Variants in SNX14 observed in about 807,000 individuals in gnomAD.
SNX14 encodes sorting nexin-14.
A neutral mutation model predicts 133.8 loss-of-function variants in SNX14; 93 were observed. The observed-to-expected ratio is 0.70, with a 90% confidence interval of 0.59 to 0.83. The LOEUF (loss-of-function observed/expected upper bound fraction) is 0.83. Among genes scored for constraint, SNX14 ranks in the 40% least tolerant of loss-of-function variants. SNX14 has a pLI of 0.00. For synonymous variants in SNX14, 368 were observed against 365.6 expected (o/e 1.01, Z -0.07); for missense variants, 945 against 1,094.9 (o/e 0.86, Z 1.93).
chr6:85,555,251 G>A (rs1004270331), intron 7 of SNX14, among the ~76,000 whole-genome samples: 7 of 152,106 alleles, frequency 4.6e-5, no homozygotes, highest in Admixed American at 2.6e-4. Context: ...AATTAAAACT[G>A]TATTAAAAAT....
At chr6:85,560,749 A>G (rs946577798) in intron 6 of SNX14, among the ~76,000 whole-genome samples, 2 of 152,056 alleles carry the variant, frequency 1.3e-5, no homozygotes, top group Non-Finnish European at 2.9e-5. Flanking sequence ...AAAGCCTAAC[A>G]TAGGCCTGGC....
intron 1 of SNX14, among the ~76,000 whole-genome samples, chr6:85,576,373 A>C (rs1797344637): frequency 6.6e-6 from 1 of 152,194 alleles, no homozygotes; most frequent in Non-Finnish European, 1.5e-5. Flanking sequence ...TGGATTAAGA[A>C]TAGACAAAAC....
intron 28 of SNX14, 162 bp downstream of exon 28, chr6:85,507,071 A>T (rs1440423652): frequency 4.7e-6 from 3 of 634,078 alleles, no homozygotes; most frequent in Non-Finnish European, 8.4e-6. Flanking sequence ...TTGTTTGGGC[A>T]TGTTTAATAA....
At chr6:85,580,715 A>G (rs1798783485) in intron 1 of SNX14, among the ~76,000 whole-genome samples, 1 of 152,188 alleles carries the variant, frequency 6.6e-6, no homozygotes, top group South Asian at 2.1e-4. Flanking sequence ...GATAGAGTCT[A>G]GCAGCACTCC....
In SNX14 at chr6:85,515,280, A is replaced by C. The variant is rs900258773; in HGVS notation, c.2269-651T>G. Among the ~76,000 whole-genome samples, 9 of 149,666 alleles carry C rather than the reference A, an allele frequency of 6.0e-5. No individual in the cohort carries two copies. The South Asian group carries it at 8.5e-4, about 14-fold the overall frequency. On this transcript the variant is annotated intron_variant, in intron 23 of 28. Transcript: ENST00000314673. ...AGACCGTCAAAAAAAAAAAAAAAAA[A>C]AAAAAAACACTAACATGATTTAAAG...
chr6:85,529,272 TGAAGGAAG>T (rs1353463320), intron 19 of SNX14, among the ~76,000 whole-genome samples: 1 of 120,384 alleles, frequency 8.3e-6, no homozygotes, highest in Non-Finnish European at 1.7e-5. Flanking sequence ...AACAAGGAAA[TGAAGGAAG>T]GAAGGAAATA....
At chr6:85,544,869 C>A (rs1055675029) in intron 12 of SNX14, among the ~76,000 whole-genome samples, 4 of 152,102 alleles carry the variant, frequency 2.6e-5, no homozygotes, top group Non-Finnish European at 4.4e-5. Flanking sequence ...CCTGGTTCTG[C>A]AGAAAGAAAT....
intron 7 of SNX14, among the ~76,000 whole-genome samples, chr6:85,553,214 C>T (rs1788410915): frequency 6.6e-6 from 1 of 152,130 alleles, no homozygotes; most frequent in South Asian, 2.1e-4. Flanking sequence ...TTCAGTTTGG[C>T]AACAGTACTA....
chr6:85,517,839 T>C lies in SNX14; in HGVS notation c.2185A>G (p.Ile729Val). The C allele has an allele frequency of 1.2e-6, 2 of 1,610,008 alleles. No homozygotes were observed. Among genetic ancestry groups the C allele is most frequent in the Non-Finnish European group, 1.7e-6 (2 of 1,178,934 alleles). ...GGCTTTGGAGACTCACAAGAATTAATGAAATTCATGATAAAAGGTTCCAAA... is the reference window on the plus strand; with the variant it reads ...GGCTTTGGAGACTCACAAGAATTAACGAAATTCATGATAAAAGGTTCCAAA... ...QHLEPFIMNF[I>V]NSCESPKPKP... Residue 729 changes from isoleucine to valine, a missense_variant, in exon 23 of 29, where the codon ATT (isoleucine) becomes GTT (valine). Ile to Val is a conservative substitution (Grantham distance 29). Transcript: ENST00000314673.
At chr6:85,536,770 C>A (rs780791180) in intron 17 of SNX14, 22 bp downstream of exon 17, 1 of 1,596,782 alleles carries the variant, frequency 6.3e-7, no homozygotes, top group Non-Finnish European at 8.5e-7. Context: ...ATAAATAAAT[C>A]AAATTGATAC....
At position 85,567,605 on chromosome 6, in the gene SNX14, A is replaced by C. The variant is rs374586327; in HGVS notation, c.418-28T>G. 1.2e-3 allele frequency: 1,664 copies of C among 1,429,256 alleles called. 3 individuals carry two copies. The highest frequency in any genetic ancestry group is 1.4e-3 in the Non-Finnish European group (1,535 of 1,067,808). The allele number at this position is 1,429,256 out of a possible 1,614,324, so 88.5% of individuals were successfully genotyped here. A position where few individuals can be genotyped will look rare whatever the true frequency, so the allele number is the denominator to read the frequency against. Reference sequence around the variant, plus strand: ...GCATAAACAATTATTTTTTAAAGAAAAATAAAATTAATTAGTTTTTGGAAA... The same window carrying C: ...GCATAAACAATTATTTTTTAAAGAACAATAAAATTAATTAGTTTTTGGAAA... On this transcript the variant is annotated intron_variant, in intron 4 of 28. Coordinates refer to ENST00000314673, the MANE Select transcript of SNX14 (RefSeq NM_153816.6).
chr6:85,506,168 G>A (rs923943122), intron 28 of SNX14, among the ~76,000 whole-genome samples, 163 bp from the exon 29 acceptor site: 5 of 152,118 alleles, frequency 3.3e-5, no homozygotes, highest in Non-Finnish European at 7.4e-5. Flanking sequence ...TTCTAGATAT[G>A]AGAAAAAAGG....
At chr6:85,593,307 A>C (rs1410842541) in intron 1 of SNX14, among the ~76,000 whole-genome samples, 4 of 152,232 alleles carry the variant, frequency 2.6e-5, no homozygotes, top group Admixed American at 1.3e-4. Context: ...AAAGCAACGA[A>C]GATGAAGAAC....
intron 21 of SNX14, among the ~76,000 whole-genome samples, chr6:85,520,872 G>C (rs566959967): frequency 3.3e-5 from 5 of 152,142 alleles, no homozygotes; most frequent in African/African-American, 1.2e-4. Flanking sequence ...TTCAATTGCT[G>C]ATGAACATTT....
At chr6:85,543,471 A>G in intron 13 of SNX14, 134 bp downstream of exon 13, 1 of 1,066,584 alleles carries the variant, frequency 9.4e-7, no homozygotes, top group Non-Finnish European at 1.3e-6. Context: ...TTTTTCTTTA[A>G]AGCTTTCATC....
chr6:85,560,052 G>A (rs571738147), intron 6 of SNX14, among the ~76,000 whole-genome samples: 1 of 152,270 alleles, frequency 6.6e-6, no homozygotes, highest in East Asian at 1.9e-4. Flanking sequence ...GAATGTAAAT[G>A]GTGGAGCCAC....
At chr6:85,565,148 T>C (rs1001936974) in intron 6 of SNX14, among the ~76,000 whole-genome samples, 184 bp downstream of exon 6, 1 of 152,164 alleles carries the variant, frequency 6.6e-6, no homozygotes, top group Non-Finnish European at 1.5e-5. Context: ...AAATGATAAA[T>C]GCTTGAGGGA....
In SNX14 at chr6:85,530,185, A is replaced by G; in HGVS notation, c.1894+7T>C. Reference sequence around the variant, plus strand: ...ATGTAATGTTTTATCCAAAAAGAATAACATACCATGAAATTCTGTTAGTTT... The same window carrying G: ...ATGTAATGTTTTATCCAAAAAGAATGACATACCATGAAATTCTGTTAGTTT... On this transcript the variant is annotated splice_region_variant and intron_variant, in intron 19 of 28. Transcript: ENST00000314673. 6.6e-7 allele frequency: 1 copy of G among 1,516,728 alleles called. No homozygotes were observed. Among genetic ancestry groups the G allele is most frequent in the Non-Finnish European group, 9.1e-7 (1 of 1,098,636 alleles). The allele number at this position is 1,516,728 out of a possible 1,614,324, so 94.0% of individuals were successfully genotyped here.
At chr6:85,571,072 GC>G (rs776870104) in intron 4 of SNX14, among the ~76,000 whole-genome samples, 1 of 151,812 alleles carries the variant, frequency 6.6e-6, no homozygotes, top group Non-Finnish European at 1.5e-5. Flanking sequence ...GGCCTTAGAG[GC>G]CCGGCATGGT....
Sources: allele counts gnomAD v4.1 joint callset (sites outside exome capture counted in the v4.1 genomes callset), GRCh38; gene constraint gnomAD v4.1.1; transcripts MANE v1.5; gene names NCBI Gene and HGNC (gene_info 2026-07-23, HGNC 2026-07-21).